The following PRTFDC1 variants were observed in gnomAD, a reference collection of about 807,000 sequenced individuals.
PRTFDC1 encodes the protein phosphoribosyltransferase domain-containing protein 1.
A neutral mutation model predicts 34.6 loss-of-function variants in PRTFDC1; 38 were observed. That is an observed-to-expected ratio of 1.10 (90% CI 0.85 to 1.44). The LOEUF (loss-of-function observed/expected upper bound fraction) is 1.44, where lower values mean the gene tolerates loss of function less well. Ranked by LOEUF, PRTFDC1 falls within the 40% of genes most tolerant of loss-of-function variation. The pLI, the probability that PRTFDC1 is intolerant of heterozygous loss-of-function variation, is 0.00. For synonymous variants in PRTFDC1, 93 were observed against 98.1 expected, an observed-to-expected ratio of 0.95 and a Z score of 0.31; for missense variants, 270 against 283.0, an observed-to-expected ratio of 0.95 and a Z score of 0.33.
At chr10:24,855,819 A>G (rs766087423) in intron 6 of PRTFDC1, among the ~76,000 whole-genome samples, 2 of 151,962 alleles carry the variant, frequency 1.3e-5, no homozygotes, top group East Asian at 3.9e-4. Context: ...ATATAAAAAA[A>G]CTTTTTAAAA....
intron 3 of PRTFDC1, among the ~76,000 whole-genome samples, chr10:24,907,809 T>A (rs1268723575): frequency 1.2e-4 from 19 of 152,232 alleles, no homozygotes; most frequent in Admixed American, 1.2e-3. Flanking sequence ...ATAAAAAAAT[T>A]GGAATAATTG....
At chr10:24,867,305 C>T (rs1357363636) in intron 4 of PRTFDC1, among the ~76,000 whole-genome samples, 1 of 152,202 alleles carries the variant, frequency 6.6e-6, no homozygotes, top group Non-Finnish European at 1.5e-5. Flanking sequence ...GATTCCTTCT[C>T]TTCCACCCTA....
At chr10:24,895,495 C>A (rs1195692501) in intron 3 of PRTFDC1, among the ~76,000 whole-genome samples, 1 of 150,822 alleles carries the variant, frequency 6.6e-6, no homozygotes, top group African/African-American at 2.4e-5. Flanking sequence ...AGGTGATCCA[C>A]CTGCCTTGGC....
At chr10:24,885,701 G>C (rs144288012) in intron 3 of PRTFDC1, among the ~76,000 whole-genome samples, 2,129 of 152,292 alleles carry the variant, frequency 0.014, 45 homozygotes, top group African/African-American at 0.049. Flanking sequence ...CACCGCACCT[G>C]GCCAGCAGCT....
rs182579031 is a variant in PRTFDC1 at position 24,952,191 on chromosome 10, C to T, written c.48+337G>A. On this transcript the variant is annotated intron_variant, in intron 1 of 8. Transcript: ENST00000320152. This position sits in a 1 kb window ranked among gnomAD's most constrained non-coding sequence, Gnocchi z 5.1. ...GGCCTCCAGAGCAGCACGCGGGGGT[C>T]TCTGGGGCCCTGCCGGGCTCGCAGA... Among the ~76,000 whole-genome samples, 101 of 152,322 alleles carry T rather than the reference C, an allele frequency of 6.6e-4. No homozygotes were observed. The highest frequency in any genetic ancestry group is 2.3e-3 in the African/African-American group (94 of 41,584).
At chr10:24,851,608 C>G (rs1292787640) in intron 7 of PRTFDC1, 144 bp from the exon 8 acceptor site, 1 of 1,346,300 alleles carries the variant, frequency 7.4e-7, no homozygotes, top group Non-Finnish European at 9.9e-7. Context: ...GAAATGCACA[C>G]GATGAGCCCA....
chr10:24,859,520 A>C (rs1399827174), intron 4 of PRTFDC1, among the ~76,000 whole-genome samples: 1 of 152,216 alleles, frequency 6.6e-6, no homozygotes, highest in African/African-American at 2.4e-5. Context: ...TGCTGGAATT[A>C]CAGGCACGAG....
intron 3 of PRTFDC1, among the ~76,000 whole-genome samples, chr10:24,893,314 G>A (rs1345832030): frequency 1.3e-5 from 2 of 151,032 alleles, no homozygotes; most frequent in African/African-American, 2.4e-5. Flanking sequence ...CTCTTGGCAG[G>A]GTCTTGTTCT....
intron 4 of PRTFDC1, among the ~76,000 whole-genome samples, chr10:24,861,897 C>A (rs1292520628): frequency 2.0e-5 from 3 of 151,958 alleles, no homozygotes; most frequent in Non-Finnish European, 2.9e-5. Context: ...CCTCAGCCTC[C>A]CAGAGTGCTA....
chr10:24,855,194 C>T (rs1484184160), intron 7 of PRTFDC1, 124 bp downstream of exon 7: 2 of 913,126 alleles, frequency 2.2e-6, no homozygotes, highest in Non-Finnish European at 3.4e-6. Flanking sequence ...ACTATCAGCC[C>T]TACACAGTTT....
intron 2 of PRTFDC1, among the ~76,000 whole-genome samples, chr10:24,937,880 G>A (rs1201781648): frequency 6.6e-6 from 1 of 151,884 alleles, no homozygotes; most frequent in African/African-American, 2.4e-5. Flanking sequence ...TTCTAAAGAA[G>A]ACACACGATC....
rs564906284 is a variant in PRTFDC1 at position 24,944,045 on chromosome 10, C to T, written c.49-1609G>A. Among the ~76,000 whole-genome samples, 34 of 152,180 alleles carry T rather than the reference C, an allele frequency of 2.2e-4. No homozygotes were observed. The South Asian group carries it at 6.6e-3, about 30-fold the overall frequency. ...CTCTGGGTTTCATTCATTCATTTGC[C>T]GTGCACCCCTTCATCCTCTCTCCCC... On this transcript the variant is annotated intron_variant, in intron 1 of 8. Coordinates refer to ENST00000320152, the MANE Select transcript of PRTFDC1 (RefSeq NM_020200.7).
At chr10:24,888,126 G>C (rs1470759211) in intron 3 of PRTFDC1, among the ~76,000 whole-genome samples, 1 of 152,122 alleles carries the variant, frequency 6.6e-6, no homozygotes, top group African/African-American at 2.4e-5. Flanking sequence ...TCATGCCTTG[G>C]CCTCCCAAAA....
chr10:24,921,626 C>A (rs750304157), intron 3 of PRTFDC1, among the ~76,000 whole-genome samples: 1 of 151,620 alleles, frequency 6.6e-6, no homozygotes, highest in East Asian at 1.9e-4. Flanking sequence ...TACTGTTGTG[C>A]CCTTTTCCTC....
chr10:24,884,258 G>C (rs1331805627), intron 3 of PRTFDC1, among the ~76,000 whole-genome samples: 3 of 152,148 alleles, frequency 2.0e-5, no homozygotes, highest in Non-Finnish European at 4.4e-5. Flanking sequence ...TCATGAAACT[G>C]TTTTAAGATT....
chr10:24,945,223 A>G (rs1247621674), intron 1 of PRTFDC1, among the ~76,000 whole-genome samples: 2 of 152,186 alleles, frequency 1.3e-5, no homozygotes, highest in Non-Finnish European at 2.9e-5. Context: ...TTTCTGATTC[A>G]TTGTTGAATC....
intron 4 of PRTFDC1, among the ~76,000 whole-genome samples, chr10:24,860,831 T>C (rs1847667418): frequency 6.6e-6 from 1 of 152,230 alleles, no homozygotes; most frequent in Admixed American, 6.5e-5. Context: ...TGTGCATTTT[T>C]AGTTTGATTG....
At chr10:24,872,538 G>T (rs1847888936) in intron 3 of PRTFDC1, among the ~76,000 whole-genome samples, 1 of 151,920 alleles carries the variant, frequency 6.6e-6, no homozygotes, top group African/African-American at 2.4e-5. Flanking sequence ...CGCCATTGGA[G>T]ATCCAGCCCC....
intron 3 of PRTFDC1, among the ~76,000 whole-genome samples, chr10:24,927,509 A>G (rs1047774813): frequency 2.0e-5 from 3 of 152,174 alleles, no homozygotes; most frequent in African/African-American, 7.2e-5. Context: ...ACTAACATGG[A>G]AAAAATCTGT....
Sources: gnomAD v4.1 joint callset for allele counts (sites outside exome capture counted in the v4.1 genomes callset) on GRCh38, gnomAD v4.1.1 for gene constraint, Gnocchi (gnomAD v3.1) non-coding constraint, MANE v1.5 for transcripts, NCBI Gene and HGNC (gene_info 2026-07-23, HGNC 2026-07-21) for gene names.